The following ZNF266 variants were observed in gnomAD, a reference collection of about 807,000 sequenced individuals.
The protein encoded by ZNF266 is zinc finger protein 1.
In ZNF266, 16 loss-of-function variants were observed where a neutral mutation model predicts 16.4. The observed-to-expected ratio is 0.98, with a 90% CI of 0.66 to 1.48. The LOEUF (loss-of-function observed/expected upper bound fraction) is 1.48, where lower values mean the gene tolerates loss of function less well. ZNF266 is among the 40% of genes most tolerant of loss of function. The pLI is 0.00. For synonymous variants in ZNF266, 262 were observed against 237.9 expected (o/e 1.10, Z -0.93); for missense variants, 738 against 689.1 (o/e 1.07, Z -0.79).
chr19:9,430,976 G>T (rs767955479), intron 5 of ZNF266, among the ~76,000 whole-genome samples: 50 of 152,146 alleles, frequency 3.3e-4, no homozygotes, highest in Non-Finnish European at 5.9e-4. Context: ...GGAATAAAAT[G>T]CTTCTGCTAC....
In ZNF266 at chr19:9,413,101, A is replaced by G. The variant is rs2122664519; in HGVS notation, c.*174T>C. The G allele has an allele frequency of 1.3e-6, 1 of 745,656 alleles. No homozygotes were observed. Among genetic ancestry groups the G allele is most frequent in the South Asian group, 2.3e-5 (1 of 43,458 alleles). The allele number at this position is 745,656 out of a possible 1,614,324, so 46.2% of individuals were successfully genotyped here. On this transcript the variant is annotated 3_prime_UTR_variant, in exon 11 of 11. Transcript: ENST00000592904. ...GTTTGGTAAGGCTTGAGAATTCAGC[A>G]AAGTCATTTCCACATTCCCTGATGC...
At position 9,413,623 on chromosome 19, in the gene ZNF266, C is replaced by G. The variant is rs755718038; in HGVS notation, c.1503G>C (p.Lys501Asn). The G allele has an allele frequency of 1.1e-5, 17 of 1,613,612 alleles. No individual in the cohort carries two copies. In the Middle Eastern group the frequency reaches 4.9e-4, roughly 47 times the overall value. The change falls in exon 11 of 11, where the codon AAG becomes AAC. Residue 501 changes from lysine to asparagine, a missense_variant. By Grantham distance (94) the Lys-to-Asn change is moderately conservative. Transcript: ENST00000592904. Reference protein sequence around the residue: ...SGHLRIHTGEKPFECLECGKA... With the variant: ...SGHLRIHTGENPFECLECGKA... ...TACCACATTCCAGGCACTCAAAGGGCTTCTCTCCAGTGTGAATTCTCAAAT... is the reference window on the plus strand; with the variant it reads ...TACCACATTCCAGGCACTCAAAGGGGTTCTCTCCAGTGTGAATTCTCAAAT...
chr19:9,417,763 T>C, intron 9 of ZNF266, 65 bp downstream of exon 9: 5 of 1,384,530 alleles, frequency 3.6e-6, no homozygotes, highest in Non-Finnish European at 4.0e-6. Context: ...AAAAAAAAAG[T>C]TTCCTCATTA....
chr19:9,415,751 A>C lies in ZNF266; in HGVS notation c.317-9T>G. ...CACTTTCCATTCTGAAGCTGAAGAGAAAAAGAAATGTAAGGGTTTGGAGAC... is the reference window on the plus strand; with the variant it reads ...CACTTTCCATTCTGAAGCTGAAGAGCAAAAGAAATGTAAGGGTTTGGAGAC... On this transcript the variant is annotated splice_polypyrimidine_tract_variant and intron_variant, in intron 9 of 10. Coordinates refer to ENST00000592904, the MANE Select transcript of ZNF266 (RefSeq NM_001370374.1). 1 of 1,609,948 alleles carries C rather than the reference A, an allele frequency of 6.2e-7. No individual in the cohort carries two copies. The highest frequency in any genetic ancestry group is 2.2e-5 in the East Asian group (1 of 44,718).
At chr19:9,431,844 G>A (rs116201466) in intron 5 of ZNF266, among the ~76,000 whole-genome samples, 106 of 152,246 alleles carry the variant, frequency 7.0e-4, no homozygotes, top group African/African-American at 2.4e-3. Flanking sequence ...TCATACCCCT[G>A]GATAACACCC....
intron 5 of ZNF266, among the ~76,000 whole-genome samples, chr19:9,421,597 A>G (rs1198838632): frequency 6.6e-6 from 1 of 152,152 alleles, no homozygotes; most frequent in Non-Finnish European, 1.5e-5. Flanking sequence ...GATTTCCTTC[A>G]TTTAGCAGAC....
At chr19:9,424,220 C>CAAAAAAAAAAAAAAA (rs55740067) in intron 5 of ZNF266, among the ~76,000 whole-genome samples, 1 of 121,630 alleles carries the variant, frequency 8.2e-6, no homozygotes, top group African/African-American at 2.9e-5. Flanking sequence ...AACCAAGAGG[C>CAAAAAAAAAAAAAAA]AAAAAAAAAA....
At chr19:9,416,882 G>C (rs1333335481) in intron 9 of ZNF266, among the ~76,000 whole-genome samples, 1 of 151,120 alleles carries the variant, frequency 6.6e-6, no homozygotes, top group Non-Finnish European at 1.5e-5. Flanking sequence ...TGTTGGCCAG[G>C]CTGGTCTCAA....
At chr19:9,418,366 T>C (rs2069378984) in intron 8 of ZNF266, 139 bp downstream of exon 8, 2 of 883,644 alleles carry the variant, frequency 2.3e-6, no homozygotes, top group Non-Finnish European at 3.6e-6. Flanking sequence ...AATCACCAAG[T>C]AGATGAAACC....
At position 9,414,598 on chromosome 19, in the gene ZNF266, A is replaced by AT; in HGVS notation, c.527dup (p.Tyr176Ter). Residue 176 changes from tyrosine to a stop codon, truncating the protein, a stop_gained and frameshift_variant, in exon 11 of 11, where the codon TAT (tyrosine) becomes TAAT (stop). Transcript: ENST00000592904. LOFTEE classifies it low-confidence loss of function (END_TRUNC). ...GAGTAAGGAAGTCTACTCCATACAG[A>AT]TAACACTCAAATGTGTTCTCACTAT... ...TQNSENTFEC[Y>*]LYGVDFLTLH... 6.2e-7 allele frequency: 1 copy of AT among 1,613,150 alleles called. No individual in the cohort carries two copies. The highest frequency in any genetic ancestry group is 2.2e-5 in the East Asian group (1 of 44,844).
chr19:9,428,422 T>G (rs1253555938), intron 5 of ZNF266, among the ~76,000 whole-genome samples: 2 of 152,210 alleles, frequency 1.3e-5, no homozygotes. Flanking sequence ...ACAGGTCCCC[T>G]GACTACCTGG....
At chr19:9,418,406 T>A (rs1159249662) in intron 8 of ZNF266, 99 bp downstream of exon 8, 1 of 1,313,298 alleles carries the variant, frequency 7.6e-7, no homozygotes, top group East Asian at 2.3e-5. Context: ...GTCTGTTATT[T>A]CCCATTGTGT....
intron 10 of ZNF266, among the ~76,000 whole-genome samples, chr19:9,415,134 A>G (rs533685811): frequency 3.9e-5 from 6 of 152,272 alleles, no homozygotes; most frequent in African/African-American, 1.4e-4. Context: ...GTCTCTACTA[A>G]AAGTACAAAA....
chr19:9,418,148 G>A (rs1319497708), intron 8 of ZNF266, among the ~76,000 whole-genome samples: 2 of 152,210 alleles, frequency 1.3e-5, no homozygotes, highest in Non-Finnish European at 2.9e-5. Flanking sequence ...AGGAAGTTAA[G>A]TGAAACAAAG....
chr19:9,413,382 TGTGAGTTC>T lies in ZNF266; in HGVS notation c.1736_1743del (p.Arg579HisfsTer7), dbSNP rs2068498245. The T allele has an allele frequency of 6.2e-7, 1 of 1,614,086 alleles. No homozygotes were observed. Among genetic ancestry groups the T allele is most frequent in the African/African-American group, 1.3e-5 (1 of 74,928 alleles). On this transcript the variant is annotated frameshift_variant, in exon 11 of 11. Coordinates refer to ENST00000592904, the MANE Select transcript of ZNF266 (RefSeq NM_001370374.1). LOFTEE classifies it low-confidence loss of function (END_TRUNC). ...TTACATTCATAGGGTTTCTCTCCAG[TGTGAGTTC>T]GTTCATGTAACTGAAACGAATTGGA...
chr19:9,422,132 G>A (rs2070019041), intron 5 of ZNF266, among the ~76,000 whole-genome samples: 1 of 150,168 alleles, frequency 6.7e-6, no homozygotes. Context: ...TTACAGGCGT[G>A]AGCCACTGCA....
intron 10 of ZNF266, among the ~76,000 whole-genome samples, chr19:9,415,159 G>T (rs894295457): frequency 6.6e-6 from 1 of 152,196 alleles, no homozygotes; most frequent in Non-Finnish European, 1.5e-5. Flanking sequence ...GCCGGGCATG[G>T]TGGCACGTGC....
At position 9,418,629 on chromosome 19, in the gene ZNF266, A is replaced by C. The variant is rs1460553643; in HGVS notation, c.111T>G (p.Asp37Glu). Reference sequence around the variant, plus strand: ...CAGCCAGATCATCAAAAGTCACTGAATCCTAAACCATCACACACATGCTGG... The same window carrying C: ...CAGCCAGATCATCAAAAGTCACTGACTCCTAAACCATCACACACATGCTGG... ...VADCLTNCYQ[D>E]SVTFDDLAVD... The change falls in exon 8 of 11, where the codon GAT (aspartate) becomes GAG (glutamate). Residue 37 changes from aspartate (D) to glutamate (E), a missense_variant and splice_region_variant. By Grantham distance (45) the Asp-to-Glu change is conservative. Coordinates refer to ENST00000592904, the MANE Select transcript of ZNF266 (RefSeq NM_001370374.1). The C allele has an allele frequency of 1.5e-6, 2 of 1,366,248 alleles. No homozygotes were observed. Among genetic ancestry groups the C allele is most frequent in the Non-Finnish European group, 2.1e-6 (2 of 954,828 alleles). 84.6% of individuals were successfully genotyped at this position (1,366,248 alleles called of 1,614,324 possible).
intron 8 of ZNF266, 52 bp downstream of exon 8, chr19:9,418,453 A>G (rs1232443724): frequency 1.3e-6 from 2 of 1,590,848 alleles, no homozygotes; most frequent in Non-Finnish European, 1.7e-6. Context: ...TACAGTAAGT[A>G]CATAACATAA....
Sources: gnomAD v4.1 joint callset for allele counts (sites outside exome capture counted in the v4.1 genomes callset) on GRCh38, gnomAD v4.1.1 for gene constraint, MANE v1.5 for transcripts, NCBI Gene and HGNC (gene_info 2026-07-23, HGNC 2026-07-21) for gene names.